RNF111: variants seen among roughly 807,000 people sequenced by gnomAD.
RNF111 encodes the protein E3 ubiquitin-protein ligase Arkadia.
RNF111 carries 17 observed loss-of-function variants against 95.1 expected under a neutral mutation model. The ratio of observed to expected loss-of-function variants is 0.18; its 90% CI spans 0.12 to 0.27. The LOEUF (loss-of-function observed/expected upper bound fraction) is 0.27. RNF111 is among the 10% of genes least tolerant of loss of function. The pLI, the probability that RNF111 is intolerant of heterozygous loss-of-function variation, is 1.00. For synonymous variants in RNF111, 440 were observed against 414.8 expected, an observed-to-expected ratio of 1.06 and a Z score of -0.74; for missense variants, 1,189 against 1,210.4, an observed-to-expected ratio of 0.98 and a Z score of 0.26.
At chr15:58,991,713 A>G (rs2038826331) in intron 1 of RNF111, among the ~76,000 whole-genome samples, 1 of 152,252 alleles carries the variant, frequency 6.6e-6, no homozygotes, top group South Asian at 2.1e-4. Flanking sequence ...ATTCTAGAGA[A>G]TCTACAAATG....
Position 59,030,959 on chromosome 15 carries a change from C to T in RNF111, c.137C>T (p.Ala46Val), listed in dbSNP as rs139105210. ...TTGCATCCAGAGCCCATTGGGGCAGCCAAAAGTTTTCCTGCAGGAGTTGAG... is the reference window on the plus strand; with the variant it reads ...TTGCATCCAGAGCCCATTGGGGCAGTCAAAAGTTTTCCTGCAGGAGTTGAG... Reference protein sequence around the residue: ...ILLHPEPIGAAKSFPAGVEMI... With the variant: ...ILLHPEPIGAVKSFPAGVEMI... The change falls in exon 2 of 14, where the codon GCC (alanine) becomes GTC (valine). Residue 46 changes from alanine to valine, a missense_variant. Physicochemically the swap from Ala to Val is moderately conservative, Grantham distance 64. This residue lies in a region of RNF111 where 1,024 missense variants were observed against 925.9 expected (regional missense o/e 1.11). Coordinates refer to ENST00000348370, the MANE Select transcript of RNF111 (RefSeq NM_017610.8). The T allele has an allele frequency of 3.1e-6, 5 of 1,614,022 alleles. No homozygotes were observed. Among genetic ancestry groups the T allele is most frequent in the Non-Finnish European group, 4.2e-6 (5 of 1,180,032 alleles).
chr15:59,096,961 C>T lies in RNF111; in HGVS notation c.*2061C>T, dbSNP rs1197112490. 6.6e-6 allele frequency: 1 copy of T among 152,158 alleles called. No individual in the cohort carries two copies. Among genetic ancestry groups the T allele is most frequent in the African/African-American group, 2.4e-5 (1 of 41,436 alleles). The allele number at this position is 152,158 out of a possible 1,614,324, so 9.4% of individuals were successfully genotyped here. ...ACATCAGATTTAGATGCACGACTAC[C>T]TGTTGACTTGTTTTATAATTGCTAC... On this transcript the variant is annotated 3_prime_UTR_variant, in exon 14 of 14. Transcript: ENST00000348370.
intron 2 of RNF111, among the ~76,000 whole-genome samples, chr15:59,043,581 T>C (rs1596180462): frequency 6.6e-6 from 1 of 152,154 alleles, no homozygotes; most frequent in South Asian, 2.1e-4. Context: ...TGTAGGTAGG[T>C]AGAGGTCAAG....
At chr15:59,056,439 A>G (rs993970545) in intron 4 of RNF111, among the ~76,000 whole-genome samples, 11 of 152,234 alleles carry the variant, frequency 7.2e-5, no homozygotes, top group African/African-American at 2.7e-4. Context: ...TTGCCCACAT[A>G]TTGGGAATCA....
chr15:59,034,332 T>C (rs1176427249), intron 2 of RNF111, among the ~76,000 whole-genome samples: 1 of 152,240 alleles, frequency 6.6e-6, no homozygotes, highest in East Asian at 1.9e-4. Context: ...TCAGAGGGTA[T>C]ATGCATTGAA....
chr15:59,020,976 G>A (rs140087695), intron 1 of RNF111, among the ~76,000 whole-genome samples: 5,008 of 152,130 alleles, frequency 0.033, 126 homozygotes, highest in African/African-American at 0.073. Flanking sequence ...ACATGAATAA[G>A]TTCTTTAGTG....
chr15:59,012,150 C>T (rs187073408), intron 1 of RNF111, among the ~76,000 whole-genome samples: 8 of 151,550 alleles, frequency 5.3e-5, no homozygotes, highest in African/African-American at 1.9e-4. Flanking sequence ...TTCTGAGTAG[C>T]TGGGATTACA....
chr15:58,995,468 T>G (rs1281743456), intron 1 of RNF111, among the ~76,000 whole-genome samples: 10 of 151,540 alleles, frequency 6.6e-5, no homozygotes, highest in African/African-American at 2.2e-4. Flanking sequence ...ACCTCTTGTT[T>G]TTTTTTTTTG....
intron 6 of RNF111, among the ~76,000 whole-genome samples, chr15:59,070,688 T>C (rs1445134126): frequency 2.0e-5 from 3 of 152,158 alleles, no homozygotes; most frequent in African/African-American, 7.2e-5. Flanking sequence ...AGCTCCTCCT[T>C]TTCTCTTTCC....
chr15:59,077,773 C>T (rs2078608160), intron 7 of RNF111, among the ~76,000 whole-genome samples: 1 of 152,178 alleles, frequency 6.6e-6, no homozygotes, highest in Non-Finnish European at 1.5e-5. Context: ...TAAGTTTTCT[C>T]TCCAAGGGGC....
At chr15:59,069,999 C>T (rs1457970894) in intron 6 of RNF111, among the ~76,000 whole-genome samples, 1 of 59,220 alleles carries the variant, frequency 1.7e-5, no homozygotes, top group Non-Finnish European at 3.3e-5. Context: ...GCCACACCAT[C>T]CCCACCCCCC....
intron 1 of RNF111, among the ~76,000 whole-genome samples, chr15:59,012,525 C>G (rs1199155335): frequency 1.3e-5 from 2 of 152,130 alleles, no homozygotes; most frequent in Non-Finnish European, 2.9e-5. Context: ...TGCATGATTG[C>G]TGAACATTTT....
intron 1 of RNF111, among the ~76,000 whole-genome samples, chr15:59,029,855 A>T (rs1364819254): frequency 2.0e-5 from 3 of 152,178 alleles, no homozygotes; most frequent in African/African-American, 7.2e-5. Flanking sequence ...ATAAACTTAG[A>T]ATATGTGTGT....
intron 1 of RNF111, among the ~76,000 whole-genome samples, chr15:59,000,248 C>T (rs1305473784): frequency 6.7e-6 from 1 of 148,268 alleles, no homozygotes; most frequent in Admixed American, 6.9e-5. Flanking sequence ...ACTACATTCT[C>T]TGCCTCCTGG....
At chr15:59,027,403 G>T (rs1596126489) in intron 1 of RNF111, among the ~76,000 whole-genome samples, 1 of 151,982 alleles carries the variant, frequency 6.6e-6, no homozygotes, top group South Asian at 2.1e-4. Context: ...TGACTTTCTG[G>T]CAGGAGTTTT....
chr15:59,063,870 G>A (rs2042542475), intron 5 of RNF111, among the ~76,000 whole-genome samples: 1 of 152,264 alleles, frequency 6.6e-6, no homozygotes, highest in Admixed American at 6.5e-5. Flanking sequence ...GAACCATGAA[G>A]GTAATTTAGC....
At position 59,084,171 on chromosome 15, in the gene RNF111, C is replaced by T. The variant is rs757094417; in HGVS notation, c.2340C>T (p.His780=). ...CCCCACCCCATCCACATAGGATGCA[C>T]CCAAACTATGGTCATGGGCATCATA... ...ERPPPHPHRM[H]PNYGHGHHIH... The change falls in exon 9 of 14, where the codon CAC becomes CAT. Residue 780 remains histidine, a synonymous_variant. Coordinates refer to ENST00000348370, the MANE Select transcript of RNF111 (RefSeq NM_017610.8). 119 of 1,608,720 alleles carry T rather than the reference C, an allele frequency of 7.4e-5. No individual in the cohort carries two copies. Among genetic ancestry groups the T allele is most frequent in the Non-Finnish European group, 9.8e-5 (116 of 1,177,710 alleles).
rs1241144129 is a variant in RNF111, at chr15:59,031,015, T to G, written c.193T>G (p.Ser65Ala). 2 of 1,614,096 alleles carry G rather than the reference T, an allele frequency of 1.2e-6. No individual in the cohort carries two copies. The highest frequency in any genetic ancestry group is 2.7e-5 in the African/African-American group (2 of 74,928). ...TAATAGTAAAGTGGGGAATGAATTC[T>G]CTCACCTGTGTGATGATTCTCAAAA... ...MINSKVGNEF[S>A]HLCDDSQKQE... is the part of the protein sequence containing the mutation. Residue 65 changes from serine (S) to alanine (A), a missense_variant, in exon 2 of 14, where the codon TCT becomes GCT. By Grantham distance (99) the Ser-to-Ala change is moderately conservative. Transcript: ENST00000348370.
Position 59,052,413 on chromosome 15 carries a change from C to T in RNF111, c.989C>T (p.Thr330Ile). Residue 330 changes from threonine (T) to isoleucine (I), a missense_variant, in exon 3 of 14, where the codon ACA becomes ATA. By Grantham distance (89) the Thr-to-Ile change is moderately conservative (BLOSUM62 -1). Transcript: ENST00000348370. ...ACTGACAGTGAAGTGGAGATTGTAA[C>T]AGTTGGAGAAAGCTATCGGTGAGAT... The part of the protein sequence containing the change: ...TSTDSEVEIV[T>I]VGESYRSRST... 6.3e-7 allele frequency: 1 copy of T among 1,583,326 alleles called. No homozygotes were observed. The highest frequency in any genetic ancestry group is 8.6e-7 in the Non-Finnish European group (1 of 1,168,252).
Sources: allele counts gnomAD v4.1 joint callset (sites outside exome capture counted in the v4.1 genomes callset), GRCh38; gene constraint gnomAD v4.1.1; regional missense constraint gnomAD v4.1.1; transcripts MANE v1.5; gene names NCBI Gene and HGNC (gene_info 2026-07-23, HGNC 2026-07-21).